Variants in ROBO2 observed in about 807,000 individuals in gnomAD.
The protein encoded by ROBO2 is roundabout guidance receptor 2.
A neutral mutation model predicts 160.8 loss-of-function variants in ROBO2; 53 were observed. The observed-to-expected ratio is 0.33, with a 90% CI of 0.26 to 0.41. ROBO2 has a LOEUF of 0.41. Among genes scored for constraint, ROBO2 ranks in the 10% least tolerant of loss-of-function variants. ROBO2 has a pLI of 1.00. For synonymous variants in ROBO2, 664 were observed against 611.7 expected (o/e 1.09, Z -1.26); for missense variants, 1,577 against 1,722.4 (o/e 0.92, Z 1.49).
chr3:76,127,836 GA>G (rs2071052223), intron 2 of ROBO2, among the ~76,000 whole-genome samples: 1 of 147,224 alleles, frequency 6.8e-6, no homozygotes, highest in African/African-American at 2.5e-5. Context: ...TGAATACTTT[GA>G]AAAATACATA....
chr3:76,524,648 C>T (rs1276888071), intron 2 of ROBO2, among the ~76,000 whole-genome samples: 1 of 150,828 alleles, frequency 6.6e-6, no homozygotes, highest in Non-Finnish European at 1.5e-5. Flanking sequence ...CCTTATACTA[C>T]TGTGTTTAGT....
exon 2 of ROBO2, chr3:77,098,118 G>A (rs754909446): frequency 6.2e-7 from 1 of 1,614,146 alleles, no homozygotes; most frequent in Non-Finnish European, 8.5e-7. Context: ...CAAGGCGGAG[G>A]GCCGGCCAAC....
intron 2 of ROBO2, among the ~76,000 whole-genome samples, chr3:76,579,801 A>AAG (rs1553811970): frequency 2.0e-5 from 3 of 151,212 alleles, no homozygotes; most frequent in Non-Finnish European, 4.4e-5. Flanking sequence ...AAAAAAAAAA[A>AAG]AAAGAAAGAA....
At chr3:76,869,643 C>T (rs2148668741) in intron 2 of ROBO2, among the ~76,000 whole-genome samples, 1 of 152,126 alleles carries the variant, frequency 6.6e-6, no homozygotes, top group Admixed American at 6.5e-5. Flanking sequence ...GCCACCGCGC[C>T]CGGCCGATCT....
chr3:76,218,719 G>A (rs908039446), intron 2 of ROBO2, among the ~76,000 whole-genome samples: 11 of 152,214 alleles, frequency 7.2e-5, no homozygotes, highest in South Asian at 2.1e-4. Flanking sequence ...ACTCAATATC[G>A]TGAAAATGGC....
At chr3:76,622,063 A>T (rs542629377) in intron 2 of ROBO2, among the ~76,000 whole-genome samples, 2 of 136,068 alleles carry the variant, frequency 1.5e-5, no homozygotes, top group Admixed American at 7.8e-5. Flanking sequence ...TGTGAATAAG[A>T]TCTATTCTTG....
intron 2 of ROBO2, among the ~76,000 whole-genome samples, chr3:76,531,610 T>C (rs956603156): frequency 1.3e-5 from 2 of 149,600 alleles, no homozygotes; most frequent in African/African-American, 2.5e-5. Flanking sequence ...TTGTTTTGTT[T>C]GTACAGTTTC....
At chr3:77,371,689 A>G (rs6548502) in intron 2 of ROBO2, among the ~76,000 whole-genome samples, 16,364 of 152,198 alleles carry the variant, frequency 0.11, 1,743 homozygotes, top group African/African-American at 0.24. Flanking sequence ...TTACTGTTCT[A>G]TAGCTACATA....
At chr3:76,763,323 A>G (rs2061406088) in intron 2 of ROBO2, among the ~76,000 whole-genome samples, 1 of 151,746 alleles carries the variant, frequency 6.6e-6, no homozygotes, top group Non-Finnish European at 1.5e-5. Flanking sequence ...GCAAAATTAA[A>G]TGATAAAATG....
In ROBO2 at chr3:76,807,740, C is replaced by T. The variant is rs146281143; in HGVS notation, c.110-290274C>T. Among the ~76,000 whole-genome samples the T allele has an allele frequency of 1.4e-3, 216 of 152,002 alleles. 1 individual carries two copies. The highest frequency in any genetic ancestry group is 5.1e-3 in the African/African-American group (211 of 41,496). On this transcript the variant is annotated intron_variant, in intron 2 of 26. Coordinates refer to the ROBO2 transcript ENST00000487694. ...TTAAAGTCTCTGATATGCTTTAGAACAATATAGTGAAAGGGCATCAGTTAT... is the reference window on the plus strand; with the variant it reads ...TTAAAGTCTCTGATATGCTTTAGAATAATATAGTGAAAGGGCATCAGTTAT...
chr3:76,761,285 T>C (rs567791342), intron 2 of ROBO2, among the ~76,000 whole-genome samples: 34 of 151,868 alleles, frequency 2.2e-4, no homozygotes, highest in African/African-American at 7.0e-4. Flanking sequence ...GTAAGAGAGT[T>C]CAGATTAGGC....
intron 2 of ROBO2, among the ~76,000 whole-genome samples, chr3:76,048,663 G>A (rs2067535044): frequency 6.6e-6 from 1 of 152,026 alleles, no homozygotes; most frequent in Admixed American, 6.6e-5. Flanking sequence ...ATTCATAGGT[G>A]AATCACAACC....
chr3:76,581,828 T>C (rs1305504645), intron 2 of ROBO2, among the ~76,000 whole-genome samples: 5 of 152,216 alleles, frequency 3.3e-5, no homozygotes, highest in Non-Finnish European at 2.9e-5. Flanking sequence ...TAAAAATAGA[T>C]TAAATTTACA....
At chr3:76,992,247 T>G (rs9820413) in intron 2 of ROBO2, among the ~76,000 whole-genome samples, 79,502 of 149,186 alleles carry the variant, frequency 0.53, 22,097 homozygotes, top group East Asian at 0.8. Context: ...TGTGTTTTCA[T>G]TCTTAGGACA....
intron 2 of ROBO2, among the ~76,000 whole-genome samples, chr3:77,243,429 T>G (rs552332042): frequency 2.0e-4 from 31 of 152,316 alleles, no homozygotes; most frequent in African/African-American, 6.0e-4. Flanking sequence ...AACACCCTGA[T>G]CTGGAGGGAG....
At chr3:76,381,926 C>T (rs561055481) in intron 2 of ROBO2, among the ~76,000 whole-genome samples, 51 of 152,178 alleles carry the variant, frequency 3.4e-4, no homozygotes, top group Non-Finnish European at 4.9e-4. Context: ...GTCTCTAATT[C>T]ATGTATATAT....
intron 2 of ROBO2, among the ~76,000 whole-genome samples, chr3:76,678,553 G>C (rs946725579): frequency 1.3e-5 from 2 of 152,092 alleles, no homozygotes; most frequent in African/African-American, 4.8e-5. Flanking sequence ...AGAGATACTT[G>C]TCTTTGACGT....
At chr3:76,921,577 A>T (rs2076665328) in intron 2 of ROBO2, among the ~76,000 whole-genome samples, 1 of 152,032 alleles carries the variant, frequency 6.6e-6, no homozygotes, top group African/African-American at 2.4e-5. Context: ...GCTCCATTGC[A>T]CTCCAGCCTG....
intron 1 of ROBO2, among the ~76,000 whole-genome samples, chr3:77,064,227 A>G (rs1453810404): frequency 6.6e-6 from 1 of 152,204 alleles, no homozygotes; most frequent in African/African-American, 2.4e-5. Flanking sequence ...AAGAAAAGTA[A>G]GGTGTAAACA....
Sources: allele counts gnomAD v4.1 joint callset (sites outside exome capture counted in the v4.1 genomes callset), GRCh38; gene constraint gnomAD v4.1.1; transcripts MANE v1.5; gene names NCBI Gene and HGNC (gene_info 2026-07-23, HGNC 2026-07-21).